Variants in FLVCR2 observed in about 807,000 individuals in gnomAD.
FLVCR2 encodes choline/ethanolamine transporter FLVCR2.
Under a neutral mutation model 48.9 loss-of-function variants are expected in FLVCR2, and 38 were observed. The ratio of observed to expected loss-of-function variants is 0.78; its 90% confidence interval spans 0.60 to 1.02. The LOEUF is 1.02. Among genes scored for constraint, FLVCR2 ranks in the 50% least tolerant of loss-of-function variants. FLVCR2 has a pLI of 0.00. For synonymous variants in FLVCR2, 255 were observed against 257.0 expected, an observed-to-expected ratio of 0.99 and a Z score of 0.07; for missense variants, 664 against 663.3, an observed-to-expected ratio of 1.00 and a Z score of -0.01.
At chr14:75,615,192 A>G (rs1227065852) in intron 1 of FLVCR2, among the ~76,000 whole-genome samples, 1 of 152,230 alleles carries the variant, frequency 6.6e-6, no homozygotes, top group East Asian at 1.9e-4. Flanking sequence ...GAGAGATCAC[A>G]GTTGCCTGGG....
rs577450227 is a variant in FLVCR2, at chr14:75,645,526, A to G, written c.1510-875A>G. Among the ~76,000 whole-genome samples the G allele has an allele frequency of 1.7e-4, 26 of 152,318 alleles. 2 individuals carry two copies. In the South Asian group the frequency reaches 4.8e-3, roughly 28 times the overall value. On this transcript the variant is annotated intron_variant, in intron 9 of 9. Coordinates refer to ENST00000238667, the MANE Select transcript of FLVCR2 (RefSeq NM_017791.3). ...TGTGACTTAGAAGACTTTCCTGTAA[A>G]TGAATCCTGTGCCATCCCTCCCCTA...
At chr14:75,633,562 G>C in intron 3 of FLVCR2, 67 bp from the exon 4 acceptor site, 1 of 1,252,482 alleles carries the variant, frequency 8.0e-7, no homozygotes. Flanking sequence ...AAATGCTGGG[G>C]GAGAAGTTAG....
chr14:75,645,042 G>A (rs887439556), intron 9 of FLVCR2, among the ~76,000 whole-genome samples: 1 of 38,146 alleles, frequency 2.6e-5, no homozygotes, highest in Non-Finnish European at 8.6e-5. Context: ...TGGTGTGTGT[G>A]TGTGTGTGTG....
At chr14:75,624,792 A>C (rs971512544) in intron 3 of FLVCR2, 40 bp downstream of exon 3, 1 of 1,610,404 alleles carries the variant, frequency 6.2e-7, no homozygotes, top group African/African-American at 1.3e-5. Flanking sequence ...TCGAGCTGGA[A>C]ATGTTAGATG....
In FLVCR2 at chr14:75,641,908, T is replaced by A; in HGVS notation, c.1509+10T>A. On this transcript the variant is annotated intron_variant, in intron 9 of 9. Transcript: ENST00000238667. The stretch of plus-strand genomic sequence containing the variant: ...AGAAACTCTTGAGAACGTGAGTATA[T>A]GGGAGCTTTGTGGGGCTGAGATCGG... 6.2e-7 allele frequency: 1 copy of A among 1,613,482 alleles called. No homozygotes were observed. The highest frequency in any genetic ancestry group is 8.5e-7 in the Non-Finnish European group (1 of 1,179,402).
In FLVCR2 at chr14:75,641,003, G is replaced by A. The variant is rs776013331; in HGVS notation, c.1284G>A (p.Glu428=). The part of the protein sequence containing the change: ...YLPLGFEFAV[E]LTYPESEGIS... ...CACTGGGATTTGAGTTTGCTGTGGA[G>A]CTCACGTACCCAGAATCAGAAGGCA... Residue 428 remains glutamate (E), a synonymous_variant, in exon 7 of 10, where the codon GAG becomes GAA. Coordinates refer to ENST00000238667, the MANE Select transcript of FLVCR2 (RefSeq NM_017791.3). The A allele has an allele frequency of 1.2e-6, 2 of 1,613,984 alleles. No homozygotes were observed. The highest frequency in any genetic ancestry group is 2.7e-5 in the African/African-American group (2 of 74,892).
chr14:75,601,924 G>A (rs530617074), intron 1 of FLVCR2, among the ~76,000 whole-genome samples: 28 of 152,238 alleles, frequency 1.8e-4, no homozygotes, highest in African/African-American at 6.7e-4. Flanking sequence ...GTGAATTGGG[G>A]GTTCCCATAA....
intron 1 of FLVCR2, among the ~76,000 whole-genome samples, chr14:75,599,480 A>G (rs935922981): frequency 1.3e-5 from 2 of 152,250 alleles, no homozygotes; most frequent in Admixed American, 6.5e-5. Context: ...ATGGAAAGAC[A>G]TCCTGTGTTT....
At chr14:75,640,077 G>A (rs963015411) in intron 6 of FLVCR2, among the ~76,000 whole-genome samples, 1 of 152,026 alleles carries the variant, frequency 6.6e-6, no homozygotes, top group African/African-American at 2.4e-5. Flanking sequence ...GGCCAATATG[G>A]TGATACCGCG....
At chr14:75,641,427 G>C (rs1008067198) in intron 8 of FLVCR2, 134 bp downstream of exon 8, 2 of 712,846 alleles carry the variant, frequency 2.8e-6, no homozygotes, top group African/African-American at 3.5e-5. Context: ...CTGTTGGGAG[G>C]CAGCACATTG....
chr14:75,637,241 G>A (rs1199322787), intron 5 of FLVCR2, among the ~76,000 whole-genome samples: 1 of 152,126 alleles, frequency 6.6e-6, no homozygotes, highest in Non-Finnish European at 1.5e-5. Flanking sequence ...TTTCTTCATT[G>A]GTAAAATGAG....
rs1002671408 is a variant in FLVCR2 at position 75,624,629 on chromosome 14, A to C, written c.829A>C (p.Lys277Gln). 6.2e-7 allele frequency: 1 copy of C among 1,614,108 alleles called. No individual in the cohort carries two copies. The highest frequency in any genetic ancestry group is 8.5e-7 in the Non-Finnish European group (1 of 1,180,006). The change falls in exon 3 of 10, where the codon AAA becomes CAA. Residue 277 changes from lysine to glutamine, a missense_variant. Physicochemically the swap from Lys to Gln is moderately conservative, Grantham distance 53. Coordinates refer to ENST00000238667, the MANE Select transcript of FLVCR2 (RefSeq NM_017791.3). The stretch of plus-strand genomic sequence containing the variant: ...CCTTTCAGTGTTCAAGGAGAAACCT[A>C]AATATCCCCCCAGCAGGGCCCAATC... Reference protein sequence around the residue: ...LVIIVFKEKPKYPPSRAQSLS... With the variant: ...LVIIVFKEKPQYPPSRAQSLS...
At chr14:75,602,268 TG>T (rs1488671596) in intron 1 of FLVCR2, among the ~76,000 whole-genome samples, 1 of 152,194 alleles carries the variant, frequency 6.6e-6, no homozygotes, top group African/African-American at 2.4e-5. Context: ...GGGATGGGGT[TG>T]TACATTTCCA....
chr14:75,596,205 A>T (rs1195483141), intron 1 of FLVCR2: 2 of 693,306 alleles, frequency 2.9e-6, no homozygotes, highest in African/African-American at 3.5e-5. Flanking sequence ...TGTGTCGTTC[A>T]TGATGGTGGT....
chr14:75,625,662 T>C (rs909741818), intron 3 of FLVCR2, among the ~76,000 whole-genome samples: 2 of 152,052 alleles, frequency 1.3e-5, no homozygotes, highest in Non-Finnish European at 2.9e-5. Flanking sequence ...CGTAACCATA[T>C]GAAACAAAGA....
At chr14:75,646,369 C>T in intron 9 of FLVCR2, 32 bp from the exon 10 acceptor site, 1 of 1,531,410 alleles carries the variant, frequency 6.5e-7, no homozygotes, top group African/African-American at 1.4e-5. Context: ...GTGCCTTTAC[C>T]CACAGCACTG....
chr14:75,618,356 T>C (rs1206564638), intron 1 of FLVCR2, among the ~76,000 whole-genome samples: 2 of 152,174 alleles, frequency 1.3e-5, no homozygotes, highest in Non-Finnish European at 2.9e-5. Context: ...TGGTGACGTT[T>C]GTTATGGGAC....
chr14:75,645,054 G>A (rs1157258085), intron 9 of FLVCR2, among the ~76,000 whole-genome samples: 1 of 145,894 alleles, frequency 6.9e-6, no homozygotes, highest in African/African-American at 2.4e-5. Context: ...GTGTGTGTGT[G>A]TGTGTGTGTG....
chr14:75,636,061 T>C (rs1436629780), intron 5 of FLVCR2, among the ~76,000 whole-genome samples: 4 of 152,118 alleles, frequency 2.6e-5, no homozygotes, highest in South Asian at 2.1e-4. Context: ...CCTTGTGATT[T>C]TCCAGTGCTC....
Sources: gnomAD v4.1 joint callset for allele counts (sites outside exome capture counted in the v4.1 genomes callset) on GRCh38, gnomAD v4.1.1 for gene constraint, MANE v1.5 for transcripts, NCBI Gene and HGNC (gene_info 2026-07-23, HGNC 2026-07-21) for gene names.